SPTBN1: variants seen among roughly 807,000 people sequenced by gnomAD.
SPTBN1 encodes spectrin beta, non-erythrocytic 1.
In SPTBN1, 32 loss-of-function variants were observed where a neutral mutation model predicts 266.4. That is an observed-to-expected ratio of 0.12 (90% confidence interval 0.09 to 0.16). The LOEUF (loss-of-function observed/expected upper bound fraction) is 0.16, where lower values mean the gene tolerates loss of function less well. Among genes scored for constraint, SPTBN1 ranks in the 10% least tolerant of loss-of-function variants. SPTBN1 has a pLI of 1.00. For synonymous variants in SPTBN1, 1,336 were observed against 1,162.2 expected, an observed-to-expected ratio of 1.15 and a Z score of -3.04; for missense variants, 2,296 against 3,067.1, an observed-to-expected ratio of 0.75 and a Z score of 5.94.
intron 8 of SPTBN1, 134 bp downstream of exon 8, chr2:54,621,646 G>A: frequency 1.6e-6 from 1 of 637,022 alleles, no homozygotes; most frequent in South Asian, 1.9e-5. Flanking sequence ...ATCGGCAGAA[G>A]CCTCTTCATC....
chr2:54,590,443 T>C (rs1328801563), intron 2 of SPTBN1, among the ~76,000 whole-genome samples: 1 of 152,238 alleles, frequency 6.6e-6, no homozygotes, highest in Admixed American at 6.5e-5. Flanking sequence ...ACCTCCTTTA[T>C]GTCATGTATA....
chr2:54,465,719 C>T (rs953529687), intron 1 of SPTBN1, among the ~76,000 whole-genome samples: 19 of 146,962 alleles, frequency 1.3e-4, no homozygotes, highest in African/African-American at 4.3e-4. Context: ...ATCTCTACCA[C>T]GAAGGGAGGC....
rs183259191 is a variant in SPTBN1, at chr2:54,533,847, G to A, written c.148+7281G>A. ...ATTACAGGCGTGAGCCTCCACGCCC[G>A]GCCTGCTGTAGTAATTTAGGGGGAA... On this transcript the variant is annotated intron_variant, in intron 2 of 35. Coordinates refer to ENST00000356805, the MANE Select transcript of SPTBN1 (RefSeq NM_003128.3). This position sits in a 1 kb window ranked among gnomAD's most constrained non-coding sequence, Gnocchi z 4.2. Among the ~76,000 whole-genome samples the A allele has an allele frequency of 1.6e-4, 25 of 152,026 alleles. 1 individual carries two copies. The East Asian group carries it at 4.7e-3, about 29-fold the overall frequency.
rs1197616854 is a variant in SPTBN1, at chr2:54,653,154, G to GCGATA, written c.5578-453_5578-449dup. On this transcript the variant is annotated intron_variant, in intron 26 of 35. Coordinates refer to ENST00000356805, the MANE Select transcript of SPTBN1 (RefSeq NM_003128.3). The surrounding 1 kb of genome is among the most constrained non-coding windows in gnomAD (Gnocchi z 5.1). Reference sequence around the variant, plus strand: ...TGTCCCACGGTGAGAACTCTTACAGGCGATACATACATTGTATTCACATAG... The same window carrying GCGATA: ...TGTCCCACGGTGAGAACTCTTACAGGCGATACGATACATACATTGTATTCACATAG... The GCGATA allele has an allele frequency of 2.0e-5, 3 of 153,334 alleles. No individual in the cohort carries two copies. Among genetic ancestry groups the GCGATA allele is most frequent in the African/African-American group, 7.3e-5 (3 of 41,362 alleles). The allele number at this position is 153,334 out of a possible 1,614,324, so 9.5% of individuals were successfully genotyped here.
At chr2:54,478,407 G>C (rs764645971) in intron 1 of SPTBN1, among the ~76,000 whole-genome samples, 38 of 152,150 alleles carry the variant, frequency 2.5e-4, no homozygotes, top group Non-Finnish European at 4.7e-4. Flanking sequence ...AAATGTTGGG[G>C]AGTTTCGTGG....
intron 1 of SPTBN1, among the ~76,000 whole-genome samples, chr2:54,500,517 C>T (rs6545411): frequency 0.78 from 118,729 of 152,150 alleles, 46,714 homozygotes; most frequent in African/African-American, 0.89. Flanking sequence ...TGATTAGTAG[C>T]TCTCAATCCT....
Position 54,558,394 on chromosome 2 carries a change from G to C in SPTBN1, c.148+31828G>C. ...CGGCCGCCGCGGGCAGCTGGGAGGA[G>C]GTGTGCGCGCTGCGCCCGCGAGCTC... On this transcript the variant is annotated intron_variant, in intron 2 of 35. Transcript: ENST00000356805. The surrounding 1 kb of genome is among the most constrained non-coding windows in gnomAD (Gnocchi z 4.6). The C allele has an allele frequency of 2.0e-6, 2 of 1,013,522 alleles. No homozygotes were observed. The highest frequency in any genetic ancestry group is 8.3e-5 in the South Asian group (2 of 24,164). 62.8% of individuals were successfully genotyped at this position (1,013,522 alleles called of 1,614,324 possible). A position where few individuals can be genotyped will look rare whatever the true frequency, so the allele number is the denominator to read the frequency against.
chr2:54,520,493 G>C (rs1670372269), intron 1 of SPTBN1: 1 of 152,174 alleles, frequency 6.6e-6, no homozygotes, highest in African/African-American at 2.4e-5. Flanking sequence ...TTTAGTGTCT[G>C]CTTATTGAAG....
intron 1 of SPTBN1, among the ~76,000 whole-genome samples, chr2:54,514,770 C>G (rs1430274490): frequency 6.6e-6 from 1 of 152,214 alleles, no homozygotes. Context: ...CTAACTGAGA[C>G]AGTGGAAGAG....
chr2:54,590,108 C>T (rs1236591031), intron 2 of SPTBN1, among the ~76,000 whole-genome samples: 1 of 152,104 alleles, frequency 6.6e-6, no homozygotes, highest in African/African-American at 2.4e-5. Context: ...GGCAATTGCC[C>T]AAAGATAAAA....
chr2:54,606,344 G>T (rs1335602739), intron 3 of SPTBN1, among the ~76,000 whole-genome samples: 2 of 152,182 alleles, frequency 1.3e-5, no homozygotes, highest in African/African-American at 4.8e-5. Flanking sequence ...GAGAATGGCT[G>T]CTGCAGTTAG....
intron 1 of SPTBN1, among the ~76,000 whole-genome samples, chr2:54,476,625 T>C (rs2103901842): frequency 6.6e-6 from 1 of 152,344 alleles, no homozygotes; most frequent in South Asian, 2.1e-4. Context: ...TTTTCTTACT[T>C]TTCATAGCCT....
At chr2:54,589,461 C>T (rs1270438294) in intron 2 of SPTBN1, among the ~76,000 whole-genome samples, 3 of 152,198 alleles carry the variant, frequency 2.0e-5, no homozygotes, top group Non-Finnish European at 4.4e-5. Context: ...CAGATGCAAC[C>T]TGTAGGTGCC....
intron 17 of SPTBN1, among the ~76,000 whole-genome samples, chr2:54,633,802 A>G (rs948775202): frequency 6.6e-6 from 1 of 152,178 alleles, no homozygotes; most frequent in Admixed American, 6.5e-5. Flanking sequence ...TTAAAATAAG[A>G]TGGGTGGAGA....
intron 3 of SPTBN1, among the ~76,000 whole-genome samples, chr2:54,602,525 T>G (rs1676565485): frequency 6.6e-6 from 1 of 152,170 alleles, no homozygotes; most frequent in Non-Finnish European, 1.5e-5. Context: ...TGGTGGCCAG[T>G]TTTTTGCCTT....
At chr2:54,632,342 T>C (rs1188712887) in intron 16 of SPTBN1, among the ~76,000 whole-genome samples, 1 of 152,022 alleles carries the variant, frequency 6.6e-6, no homozygotes, top group Admixed American at 6.5e-5. Flanking sequence ...TTCCTCACTC[T>C]CTTTGGAAAA....
Position 54,558,782 on chromosome 2 carries a change from G to C in SPTBN1, c.148+32216G>C. On this transcript the variant is annotated intron_variant, in intron 2 of 35. Coordinates refer to ENST00000356805, the MANE Select transcript of SPTBN1 (RefSeq NM_003128.3). The surrounding 1 kb of genome is among the most constrained non-coding windows in gnomAD (Gnocchi z 4.6). ...CCGGGGCGTTACGCCGGGCATAATG[G>C]AATTGCAGAGGACGTCTAGTATCTC... 1 of 1,613,078 alleles carries C rather than the reference G, an allele frequency of 6.2e-7. No individual in the cohort carries two copies. Among genetic ancestry groups the C allele is most frequent in the Non-Finnish European group, 8.5e-7 (1 of 1,179,390 alleles).
chr2:54,655,194 T>G lies in SPTBN1; in HGVS notation c.5947T>G (p.Tyr1983Asp), dbSNP rs796559776. Residue 1983 changes from tyrosine (Y) to aspartate (D), a missense_variant, in exon 28 of 36, where the codon TAT (tyrosine) becomes GAT (aspartate). By Grantham distance (160) the Tyr-to-Asp change is radical. This residue lies in a region of SPTBN1 where 644 missense variants were observed against 745.3 expected (regional missense o/e 0.86). Transcript: ENST00000356805. ...LGKSLLARKH[Y>D]ASEEIKEKLL... ...GAAATCCCTGTTGGCGAGAAAACAC[T>G]ATGCATCTGAGGAGGTAGGTTGCTA... The G allele has an allele frequency of 6.2e-7, 1 of 1,614,018 alleles. No individual in the cohort carries two copies. The highest frequency in any genetic ancestry group is 1.1e-5 in the South Asian group (1 of 91,020).
chr2:54,605,076 C>T (rs1249541183), intron 3 of SPTBN1, among the ~76,000 whole-genome samples: 2 of 152,170 alleles, frequency 1.3e-5, no homozygotes, highest in African/African-American at 4.8e-5. Flanking sequence ...CGCTTCTTTC[C>T]TTTGCAGAAT....
Sources: gnomAD v4.1 joint callset for allele counts (sites outside exome capture counted in the v4.1 genomes callset) on GRCh38, gnomAD v4.1.1 for gene constraint, gnomAD v4.1.1 regional missense constraint, Gnocchi (gnomAD v3.1) non-coding constraint, MANE v1.5 for transcripts, NCBI Gene and HGNC (gene_info 2026-07-23, HGNC 2026-07-21) for gene names.